Variants in ZNF566 observed in about 807,000 individuals in gnomAD.
ZNF566 encodes the protein zinc finger protein 566.
ZNF566 carries 27 observed loss-of-function variants against 32.8 expected under a neutral mutation model. The ratio of observed to expected loss-of-function variants is 0.82; its 90% CI spans 0.61 to 1.14. The LOEUF (loss-of-function observed/expected upper bound fraction) is 1.14. Among genes scored for constraint, ZNF566 ranks in the 50% most tolerant of loss-of-function variants. The probability of loss-of-function intolerance (pLI) is 0.00; values close to 1 mark genes in which losing one functional copy is unlikely to be tolerated. For synonymous variants in ZNF566, 154 were observed against 159.5 expected, an observed-to-expected ratio of 0.97 and a Z score of 0.26; for missense variants, 402 against 490.4, an observed-to-expected ratio of 0.82 and a Z score of 1.70.
intron 1 of ZNF566, among the ~76,000 whole-genome samples, chr19:36,487,089 CAAA>C (rs930555456): frequency 2.1e-5 from 1 of 46,878 alleles, no homozygotes; most frequent in Non-Finnish European, 4.3e-5. Flanking sequence ...GACTCCGTCT[CAAA>C]AAAAAAAAAA....
chr19:36,467,092 T>C (rs1295880122), intron 4 of ZNF566, among the ~76,000 whole-genome samples: 1 of 137,090 alleles, frequency 7.3e-6, no homozygotes, highest in Non-Finnish European at 1.6e-5. Context: ...GAAAGAAAAA[T>C]ACAGACAATT....
At chr19:36,480,166 A>T (rs2033989382) in intron 1 of ZNF566, among the ~76,000 whole-genome samples, 2 of 152,228 alleles carry the variant, frequency 1.3e-5, no homozygotes, top group African/African-American at 4.8e-5. Context: ...ACAGATTTCA[A>T]GACAGCAGTA....
chr19:36,472,344 C>T (rs1474692074), intron 4 of ZNF566, among the ~76,000 whole-genome samples: 2 of 152,176 alleles, frequency 1.3e-5, no homozygotes, highest in South Asian at 2.1e-4. Flanking sequence ...TTTAACTTCG[C>T]TTATGGTGGT....
intron 1 of ZNF566, among the ~76,000 whole-genome samples, chr19:36,485,834 T>C (rs912595292): frequency 6.2e-5 from 9 of 146,076 alleles, no homozygotes; most frequent in Admixed American, 1.4e-4. Context: ...GGCAGGTAGA[T>C]CACGAGGTCA....
intron 1 of ZNF566, among the ~76,000 whole-genome samples, chr19:36,480,649 C>T: frequency 9.7e-6 from 1 of 103,492 alleles, no homozygotes; most frequent in South Asian, 3.2e-4. Flanking sequence ...ACTAGGCACC[C>T]AACTGGAAAA....
Position 36,479,542 on chromosome 19 carries a change from T to G in ZNF566, c.-59-2926A>C, listed in dbSNP as rs151038158. 9.4e-3 allele frequency among the ~76,000 whole-genome samples: 1,429 copies of G among 152,320 alleles called. 16 individuals are homozygous for G. Among genetic ancestry groups the G allele is most frequent in the Middle Eastern group, 0.037 (11 of 294 alleles). On this transcript the variant is annotated intron_variant, in intron 1 of 4. Coordinates refer to ENST00000452939, the MANE Select transcript of ZNF566 (RefSeq NM_001145344.1). ...AAAAATGTTACTAAAAATGACAAAT[T>G]GGTAAGAGAAATTAAGGATCTTAAC... is the stretch of plus-strand genomic sequence containing the variant.
intron 4 of ZNF566, among the ~76,000 whole-genome samples, chr19:36,457,222 A>G (rs2033338860): frequency 6.6e-6 from 1 of 152,222 alleles, no homozygotes; most frequent in African/African-American, 2.4e-5. Flanking sequence ...TTGAATTCCT[A>G]TTGCATACAT....
chr19:36,487,869 C>T (rs1043237594), intron 1 of ZNF566, among the ~76,000 whole-genome samples: 15 of 134,342 alleles, frequency 1.1e-4, no homozygotes, highest in Non-Finnish European at 1.8e-4. Flanking sequence ...TGCACTCCAG[C>T]CTGGGTGACA....
In ZNF566 at chr19:36,484,837, C is replaced by A. The variant is rs542674150; in HGVS notation, c.-60+4649G>T. 4.9e-3 allele frequency among the ~76,000 whole-genome samples: 740 copies of A among 152,110 alleles called. 5 individuals are homozygous for A. The highest frequency in any genetic ancestry group is 0.017 in the African/African-American group (698 of 41,518). On this transcript the variant is annotated intron_variant, in intron 1 of 4. Coordinates refer to ENST00000452939, the MANE Select transcript of ZNF566 (RefSeq NM_001145344.1). ...ATCTCCTGACCTTGTGATCCGCCCA[C>A]CTCGGCCTCCCAAAGTGTTGGGATT...
At chr19:36,488,286 G>T (rs557294268) in intron 1 of ZNF566, among the ~76,000 whole-genome samples, 2 of 151,984 alleles carry the variant, frequency 1.3e-5, no homozygotes, top group South Asian at 2.1e-4. Flanking sequence ...GTAGAGTTAG[G>T]GTCTCACTAT....
intron 1 of ZNF566, among the ~76,000 whole-genome samples, chr19:36,482,432 C>A (rs2034059775): frequency 1.3e-5 from 2 of 151,954 alleles, no homozygotes; most frequent in South Asian, 4.2e-4. Flanking sequence ...AATAGTGTAG[C>A]CTGCTACAAT....
intron 4 of ZNF566, among the ~76,000 whole-genome samples, chr19:36,458,944 C>T (rs2033388246): frequency 6.6e-6 from 1 of 152,160 alleles, no homozygotes; most frequent in South Asian, 2.1e-4. Flanking sequence ...ACCTCTGCCT[C>T]TTAGGTTTAA....
chr19:36,456,511 C>T (rs1007501374), intron 4 of ZNF566: 3 of 151,112 alleles, frequency 2.0e-5, no homozygotes, highest in African/African-American at 7.3e-5. Flanking sequence ...TGAGATCACA[C>T]CACTGCACTC....
chr19:36,450,143 A>C, intron 4 of ZNF566, 142 bp from the exon 5 acceptor site: 1 of 672,562 alleles, frequency 1.5e-6, no homozygotes, highest in South Asian at 2.0e-5. Flanking sequence ...TTACATAATA[A>C]GATGAGGGTA....
At chr19:36,453,331 G>A (rs1211049207) in intron 4 of ZNF566, among the ~76,000 whole-genome samples, 1 of 151,338 alleles carries the variant, frequency 6.6e-6, no homozygotes, top group African/African-American at 2.4e-5. Context: ...AAGTTAGCTG[G>A]CTGTGGTGGT....
Position 36,449,693 on chromosome 19 carries a change from T to C in ZNF566, c.541A>G (p.Arg181Gly). ...CASKEYRKTF[R>G]HGSQFATHEI... Reference sequence around the variant, plus strand: ...TGTGTAGCAAACTGTGAGCCATGTCTAAAGGTTTTCCTATATTCTTTAGAT... The same window carrying C: ...TGTGTAGCAAACTGTGAGCCATGTCCAAAGGTTTTCCTATATTCTTTAGAT... The change falls in exon 5 of 5, where the codon AGA becomes GGA. Residue 181 changes from arginine (R) to glycine (G), a missense_variant. By Grantham distance (125) the Arg-to-Gly change is moderately radical. This residue lies in a region of ZNF566 where 220 missense variants were observed against 241.9 expected (regional missense o/e 0.91). Transcript: ENST00000452939. The C allele has an allele frequency of 6.2e-7, 1 of 1,614,146 alleles. No homozygotes were observed. The highest frequency in any genetic ancestry group is 8.5e-7 in the Non-Finnish European group (1 of 1,180,018).
Position 36,467,790 on chromosome 19 carries a change from C to CAAAAAAAAAAAAAA in ZNF566, c.232+5107_232+5120dup, listed in dbSNP as rs560803094. On this transcript the variant is annotated intron_variant, in intron 4 of 4. Coordinates refer to ENST00000452939, the MANE Select transcript of ZNF566 (RefSeq NM_001145344.1). ...TGGGTGACAGAGCGAGACTCCATCT[C>CAAAAAAAAAAAAAA]AAAAAAAAAAAAAAAAAAAAAAAAA... Among the ~76,000 whole-genome samples, 75 of 85,924 alleles carry CAAAAAAAAAAAAAA rather than the reference C, an allele frequency of 8.7e-4. 1 individual carries two copies. Among genetic ancestry groups the CAAAAAAAAAAAAAA allele is most frequent in the Non-Finnish European group, 1.3e-3 (59 of 46,882 alleles). The allele number at this position is 85,924 out of a possible 152,430, so 56.4% of individuals were successfully genotyped here. A position where few individuals can be genotyped will look rare whatever the true frequency, so the allele number is the denominator to read the frequency against.
intron 1 of ZNF566, among the ~76,000 whole-genome samples, chr19:36,484,595 T>C (rs2034111198): frequency 6.9e-6 from 1 of 145,030 alleles, no homozygotes; most frequent in South Asian, 2.2e-4. Context: ...TTCTTTTTTT[T>C]TTTTTTTTTT....
At chr19:36,462,850 G>T (rs558834588) in intron 4 of ZNF566, among the ~76,000 whole-genome samples, 1 of 148,378 alleles carries the variant, frequency 6.7e-6, no homozygotes, top group East Asian at 2.0e-4. Flanking sequence ...CAAGCTACTC[G>T]AGAGGCTGAG....
Sources: gnomAD v4.1 joint callset for allele counts (sites outside exome capture counted in the v4.1 genomes callset) on GRCh38, gnomAD v4.1.1 for gene constraint, gnomAD v4.1.1 regional missense constraint, MANE v1.5 for transcripts, NCBI Gene and HGNC (gene_info 2026-07-23, HGNC 2026-07-21) for gene names.